SFMBT2: variants seen among roughly 807,000 people sequenced by gnomAD.
SFMBT2 encodes the protein Scm like with four mbt domains 2, also known as scm-like with four MBT domains protein 2.
Under a neutral mutation model 110.1 loss-of-function variants are expected in SFMBT2, and 38 were observed. The observed-to-expected ratio is 0.35, with a 90% confidence interval of 0.27 to 0.45. The LOEUF (loss-of-function observed/expected upper bound fraction) is 0.45, where lower values mean the gene tolerates loss of function less well. SFMBT2 is among the 20% of genes least tolerant of loss of function. The pLI is 1.00. For synonymous variants in SFMBT2, 425 were observed against 425.4 expected, an observed-to-expected ratio of 1.00 and a Z score of 0.01; for missense variants, 1,011 against 1,094.9, an observed-to-expected ratio of 0.92 and a Z score of 1.08.
At chr10:7,284,581 C>T (rs372771107) in intron 5 of SFMBT2, 2 of 310,138 alleles carry the variant, frequency 6.4e-6, no homozygotes, top group East Asian at 1.6e-4. Flanking sequence ...TACACCATGA[C>T]GGTTTCCCAG....
rs1038657235 is a variant in SFMBT2, at chr10:7,171,039, C to T, written c.2433G>A (p.Glu811=). Residue 811 remains glutamate, a synonymous_variant, in exon 20 of 21, where the codon GAG becomes GAA. Coordinates refer to ENST00000397167, the MANE Select transcript of SFMBT2 (RefSeq NM_001387889.1). The surrounding 1 kb of genome is among the most constrained non-coding windows in gnomAD (Gnocchi z 4.9). ...PEGTEDTKQE[E]EERLVLESNP... The stretch of plus-strand genomic sequence containing the variant: ...TGCTCTCCAGAACCAGTCTCTCCTC[C>T]TCCTCCTGTTTCGTGTCCTGCAGAG... 3 of 1,614,200 alleles carry T rather than the reference C, an allele frequency of 1.9e-6. No homozygotes were observed. The highest frequency in any genetic ancestry group is 2.5e-6 in the Non-Finnish European group (3 of 1,180,028).
chr10:7,183,711 C>T (rs1443340793), intron 16 of SFMBT2, among the ~76,000 whole-genome samples: 1 of 152,246 alleles, frequency 6.6e-6, no homozygotes, highest in Non-Finnish European at 1.5e-5. Flanking sequence ...AGAAAGACCA[C>T]TCAGACCTGC....
rs559078515 is a variant in SFMBT2 at position 7,159,619 on chromosome 10, C to T, written c.*4151G>A. The T allele has an allele frequency of 6.6e-6, 1 of 152,226 alleles. No homozygotes were observed. The highest frequency in any genetic ancestry group is 2.1e-4 in the South Asian group (1 of 4,804). 9.4% of individuals were successfully genotyped at this position (152,226 alleles called of 1,614,324 possible). A position where few individuals can be genotyped will look rare whatever the true frequency, so the allele number is the denominator to read the frequency against. ...TAACAACTACAGGTTTCTTAATTGA[C>T]TATGTTGCCTTTCAAATAATTGCAC... On this transcript the variant is annotated 3_prime_UTR_variant, in exon 21 of 21. Coordinates refer to ENST00000397167, the MANE Select transcript of SFMBT2 (RefSeq NM_001387889.1).
At chr10:7,283,447 T>A in intron 6 of SFMBT2, among the ~76,000 whole-genome samples, 1 of 151,490 alleles carries the variant, frequency 6.6e-6, no homozygotes, top group Non-Finnish European at 1.5e-5. Flanking sequence ...GAATGCTGGA[T>A]GGATAGGTGG....
chr10:7,202,345 A>G, intron 13 of SFMBT2, 135 bp downstream of exon 13: 4 of 1,101,832 alleles, frequency 3.6e-6, no homozygotes, highest in African/African-American at 1.6e-5. Context: ...AACAGTCACT[A>G]TGTTTTACTG....
At chr10:7,236,328 T>C (rs1564398870) in intron 9 of SFMBT2, among the ~76,000 whole-genome samples, 2 of 152,120 alleles carry the variant, frequency 1.3e-5, no homozygotes, top group Non-Finnish European at 1.5e-5. Flanking sequence ...AAGAATGGCC[T>C]GCCAAAAATA....
chr10:7,369,167 A>T (rs927832187), intron 3 of SFMBT2, among the ~76,000 whole-genome samples: 1 of 152,206 alleles, frequency 6.6e-6, no homozygotes. Context: ...CTAACAGAAA[A>T]TAAATAAATA....
At position 7,282,642 on chromosome 10, in the gene SFMBT2, C is replaced by T. The variant is rs116878387; in HGVS notation, c.772+1262G>A. The stretch of plus-strand genomic sequence containing the variant: ...ATAATACTAATAAAATACCACATTA[C>T]GCGTCTCTAAGCCTGTCAAACTTAA... On this transcript the variant is annotated intron_variant, in intron 6 of 20. Coordinates refer to ENST00000397167, the MANE Select transcript of SFMBT2 (RefSeq NM_001387889.1). Among the ~76,000 whole-genome samples, 915 of 152,280 alleles carry T rather than the reference C, an allele frequency of 6.0e-3. 5 individuals are homozygous for T. Among genetic ancestry groups the T allele is most frequent in the Middle Eastern group, 0.014 (4 of 294 alleles).
intron 7 of SFMBT2, among the ~76,000 whole-genome samples, chr10:7,261,212 C>T (rs1434162205): frequency 6.6e-6 from 1 of 152,234 alleles, no homozygotes; most frequent in East Asian, 1.9e-4. Context: ...TTCACTGCAA[C>T]ACTTTCCAAT....
chr10:7,270,553 T>C (rs1841549230), intron 7 of SFMBT2, among the ~76,000 whole-genome samples: 1 of 152,230 alleles, frequency 6.6e-6, no homozygotes, highest in Non-Finnish European at 1.5e-5. Flanking sequence ...TCTCACCAGC[T>C]TTAAGAACAC....
chr10:7,410,273 A>G (rs927647882), intron 1 of SFMBT2, among the ~76,000 whole-genome samples: 6 of 152,226 alleles, frequency 3.9e-5, no homozygotes, highest in African/African-American at 1.4e-4. Flanking sequence ...AAATGTTTCC[A>G]AGGGAGCGAT....
intron 11 of SFMBT2, among the ~76,000 whole-genome samples, chr10:7,210,531 C>T (rs1301597437): frequency 6.6e-6 from 1 of 152,190 alleles, no homozygotes; most frequent in East Asian, 1.9e-4. Flanking sequence ...AGGCTGGAAT[C>T]AGAAGAAGGA....
chr10:7,342,133 T>C (rs1843926885), intron 4 of SFMBT2, among the ~76,000 whole-genome samples: 2 of 149,138 alleles, frequency 1.3e-5, no homozygotes, highest in Non-Finnish European at 3.0e-5. Flanking sequence ...GGCTCCAAGG[T>C]CTCCAAGTGA....
At chr10:7,386,303 G>A (rs1845602690) in intron 1 of SFMBT2, among the ~76,000 whole-genome samples, 1 of 152,144 alleles carries the variant, frequency 6.6e-6, no homozygotes. Context: ...GCTTATTATG[G>A]TGGGGAAAAA....
At position 7,342,490 on chromosome 10, in the gene SFMBT2, A is replaced by G. The variant is rs369612390; in HGVS notation, c.436+25159T>C. 1.3e-3 allele frequency among the ~76,000 whole-genome samples: 179 copies of G among 141,444 alleles called. 1 individual carries two copies. The East Asian group carries it at 0.014, about 11-fold the overall frequency. The allele number at this position is 141,444 out of a possible 152,430, so 92.8% of individuals were successfully genotyped here. A position where few individuals can be genotyped will look rare whatever the true frequency, so the allele number is the denominator to read the frequency against. Reference sequence around the variant, plus strand: ...GTGGTGCAATCTCGGCTCACTGCAAACTCCGCCTCCCGGGTTCATGCCATT... The same window carrying G: ...GTGGTGCAATCTCGGCTCACTGCAAGCTCCGCCTCCCGGGTTCATGCCATT... On this transcript the variant is annotated intron_variant, in intron 4 of 20. Transcript: ENST00000397167.
chr10:7,226,573 T>A (rs1023037228), intron 10 of SFMBT2, among the ~76,000 whole-genome samples: 1 of 152,260 alleles, frequency 6.6e-6, no homozygotes, highest in African/African-American at 2.4e-5. Context: ...GAGGCTATAA[T>A]CTTTTTGTCT....
chr10:7,263,367 G>A (rs1405436347), intron 7 of SFMBT2, among the ~76,000 whole-genome samples: 2 of 151,956 alleles, frequency 1.3e-5, no homozygotes, highest in East Asian at 3.8e-4. Context: ...TCAACCTCCC[G>A]AGTAGGTGGA....
At chr10:7,222,397 A>C (rs1039671885) in intron 10 of SFMBT2, among the ~76,000 whole-genome samples, 3 of 152,214 alleles carry the variant, frequency 2.0e-5, no homozygotes, top group Non-Finnish European at 2.9e-5. Context: ...TTAAGCAACA[A>C]AAATTTATTT....
intron 1 of SFMBT2, among the ~76,000 whole-genome samples, chr10:7,391,864 C>T (rs1264553195): frequency 6.6e-6 from 1 of 151,904 alleles, no homozygotes; most frequent in Admixed American, 6.6e-5. Flanking sequence ...AGGAATTTCT[C>T]GCGTCATTAA....
Sources: allele counts gnomAD v4.1 joint callset (sites outside exome capture counted in the v4.1 genomes callset), GRCh38; gene constraint gnomAD v4.1.1; non-coding constraint Gnocchi (gnomAD v3.1); transcripts MANE v1.5; gene names NCBI Gene and HGNC (gene_info 2026-07-23, HGNC 2026-07-21).